Variants in AGBL3 observed in about 807,000 individuals in gnomAD.
AGBL3 encodes cytosolic carboxypeptidase 3.
In AGBL3, 68 loss-of-function variants were observed where a neutral mutation model predicts 94.5. That is an observed-to-expected ratio of 0.72 (90% CI 0.59 to 0.88). The LOEUF is 0.88. Ranked by LOEUF, AGBL3 falls within the 40% of genes least tolerant of loss-of-function variation. The pLI, the probability that AGBL3 is intolerant of heterozygous loss-of-function variation, is 0.00. For synonymous variants in AGBL3, 354 were observed against 370.7 expected, an observed-to-expected ratio of 0.95 and a Z score of 0.52; for missense variants, 934 against 1,103.8, an observed-to-expected ratio of 0.85 and a Z score of 2.18.
chr7:135,013,347 GT>G (rs998057904), intron 4 of AGBL3, among the ~76,000 whole-genome samples: 5 of 152,102 alleles, frequency 3.3e-5, no homozygotes, highest in African/African-American at 1.2e-4. Flanking sequence ...AGGTTTGACA[GT>G]TTTGTTTCTT....
intron 11 of AGBL3, among the ~76,000 whole-genome samples, chr7:135,057,990 A>T (rs1002184759): frequency 1.3e-5 from 2 of 152,218 alleles, no homozygotes; most frequent in Non-Finnish European, 1.5e-5. Flanking sequence ...ACTATTTATG[A>T]TACTGTAATG....
intron 15 of AGBL3, among the ~76,000 whole-genome samples, chr7:135,112,937 GA>G (rs1825846354): frequency 1.3e-5 from 2 of 152,114 alleles, no homozygotes; most frequent in African/African-American, 4.8e-5. Context: ...CCACCATGCC[GA>G]CTTAATTTTT....
At chr7:135,030,156 G>GT (rs1429470558) in intron 5 of AGBL3, among the ~76,000 whole-genome samples, 28 of 112,208 alleles carry the variant, frequency 2.5e-4, no homozygotes, top group East Asian at 1.3e-3. Flanking sequence ...CCTTTAATTT[G>GT]TTAAAAAAAA....
At chr7:135,011,579 A>G (rs1307461206) in intron 4 of AGBL3, 1 of 152,202 alleles carries the variant, frequency 6.6e-6, no homozygotes, top group Non-Finnish European at 1.5e-5. Flanking sequence ...CAAACAACCC[A>G]GTAGGAAAAT....
intron 15 of AGBL3, among the ~76,000 whole-genome samples, chr7:135,090,403 G>A (rs929902642): frequency 1.3e-5 from 2 of 152,150 alleles, no homozygotes; most frequent in Non-Finnish European, 2.9e-5. Flanking sequence ...GGCCTGTAGG[G>A]TGGGGCATCT....
At chr7:135,068,239 A>T (rs1014574272) in intron 12 of AGBL3, among the ~76,000 whole-genome samples, 5 of 152,220 alleles carry the variant, frequency 3.3e-5, no homozygotes, top group Non-Finnish European at 7.3e-5. Context: ...ACTATGTGAA[A>T]AGACCAAATC....
chr7:135,080,750 T>TA (rs1363287712), intron 14 of AGBL3, among the ~76,000 whole-genome samples: 4 of 151,370 alleles, frequency 2.6e-5, no homozygotes, highest in African/African-American at 9.7e-5. Flanking sequence ...CTCTGTTTTT[T>TA]TTTTTTTTTC....
Position 135,048,208 on chromosome 7 carries a change from T to C in AGBL3, c.1841+2297T>C, listed in dbSNP as rs117348108. 8.4e-3 allele frequency among the ~76,000 whole-genome samples: 1,278 copies of C among 152,062 alleles called. 9 individuals carry two copies. The highest frequency in any genetic ancestry group is 0.013 in the Non-Finnish European group (894 of 67,880). On this transcript the variant is annotated intron_variant, in intron 11 of 16. Transcript: ENST00000436302. ...GGCCCTGTATTCTATCCTGTAAGTATAGATGTCTCTGTCAGTGTCATACTC... is the reference window on the plus strand; with the variant it reads ...GGCCCTGTATTCTATCCTGTAAGTACAGATGTCTCTGTCAGTGTCATACTC...
chr7:135,002,840 T>C (rs996816193), intron 4 of AGBL3, among the ~76,000 whole-genome samples: 4 of 152,192 alleles, frequency 2.6e-5, no homozygotes, highest in African/African-American at 9.6e-5. Flanking sequence ...TGGATGAGAT[T>C]GGAACATTTT....
chr7:135,108,199 T>A (rs1172662911), intron 15 of AGBL3, among the ~76,000 whole-genome samples: 1 of 152,202 alleles, frequency 6.6e-6, no homozygotes, highest in African/African-American at 2.4e-5. Context: ...AATGGGGGCA[T>A]TTAGCCCATT....
intron 16 of AGBL3, chr7:135,129,511 A>G (rs1224124613): frequency 2.6e-6 from 2 of 772,842 alleles, no homozygotes; most frequent in Non-Finnish European, 2.4e-6. Context: ...GAGAAATTAG[A>G]TGGATATAAC....
chr7:135,085,301 C>G (rs1821249367), intron 15 of AGBL3, among the ~76,000 whole-genome samples: 1 of 152,072 alleles, frequency 6.6e-6, no homozygotes, highest in South Asian at 2.1e-4. Context: ...CAGGTTATCT[C>G]TTGATTATCT....
At chr7:135,088,255 C>A (rs1008561660) in intron 15 of AGBL3, among the ~76,000 whole-genome samples, 1 of 151,942 alleles carries the variant, frequency 6.6e-6, no homozygotes, top group African/African-American at 2.4e-5. Flanking sequence ...TTTTTAAAAT[C>A]CATTCAGTCT....
Position 135,059,160 on chromosome 7 carries a change from T to TC in AGBL3, c.1842-9_1842-8insC, listed in dbSNP as rs1273678232. 6.5e-7 allele frequency: 1 copy of TC among 1,546,414 alleles called. No individual in the cohort carries two copies. The highest frequency in any genetic ancestry group is 2.4e-5 in the East Asian group (1 of 40,902). ...AACACTGTATAAACCAAAATTATTT[T>TC]TTTTGTAGTAGCCGAGGCTCTGACA... On this transcript the variant is annotated splice_polypyrimidine_tract_variant and intron_variant, in intron 11 of 16. Transcript: ENST00000436302.
At chr7:135,068,328 A>G (rs542806959) in intron 12 of AGBL3, among the ~76,000 whole-genome samples, 62 of 152,358 alleles carry the variant, frequency 4.1e-4, no homozygotes, top group Admixed American at 3.5e-3. Context: ...ATTATCCAGG[A>G]GAACTTCCCC....
chr7:135,025,943 T>C (rs1815044738), intron 5 of AGBL3, among the ~76,000 whole-genome samples: 1 of 151,612 alleles, frequency 6.6e-6, no homozygotes, highest in Non-Finnish European at 1.5e-5. Context: ...CTTCTTGACC[T>C]ATAAAAAGAC....
chr7:135,010,315 T>G (rs12534874), intron 4 of AGBL3: 232,463 of 243,676 alleles, frequency 0.95, 111,813 homozygotes, highest in Non-Finnish European at 1. Context: ...TGTTGTTTTT[T>G]TTTTTTTAAC....
intron 15 of AGBL3, among the ~76,000 whole-genome samples, chr7:135,107,514 T>C (rs115152331): frequency 0.013 from 2,019 of 152,332 alleles, 46 homozygotes; most frequent in African/African-American, 0.046. Flanking sequence ...TTCCCTGTAA[T>C]TGCATGGTTT....
chr7:134,999,016 C>G (rs1404178732), intron 4 of AGBL3, among the ~76,000 whole-genome samples: 2 of 151,908 alleles, frequency 1.3e-5, no homozygotes, highest in Admixed American at 1.3e-4. Flanking sequence ...GCCTTTATCA[C>G]CCCCTATTTT....
Sources: gnomAD v4.1 joint callset for allele counts (sites outside exome capture counted in the v4.1 genomes callset) on GRCh38, gnomAD v4.1.1 for gene constraint, MANE v1.5 for transcripts, NCBI Gene and HGNC (gene_info 2026-07-23, HGNC 2026-07-21) for gene names.